Variants in MAP7D1 observed in about 807,000 individuals in gnomAD.
MAP7D1 encodes MAP7 domain-containing protein 1.
Under a neutral mutation model 97.5 loss-of-function variants are expected in MAP7D1, and 30 were observed. The observed-to-expected ratio is 0.31, with a 90% CI of 0.23 to 0.42. The LOEUF is 0.42. MAP7D1 is among the 10% of genes least tolerant of loss of function. MAP7D1 has a pLI of 1.00. For synonymous variants in MAP7D1, 536 were observed against 477.1 expected, an observed-to-expected ratio of 1.12 and a Z score of -1.61; for missense variants, 1,184 against 1,179.5, an observed-to-expected ratio of 1.00 and a Z score of -0.06.
chr1:36,165,142 G>C (rs1340461267), intron 1 of MAP7D1, among the ~76,000 whole-genome samples: 2 of 152,118 alleles, frequency 1.3e-5, no homozygotes, highest in African/African-American at 4.8e-5. Flanking sequence ...TTCTTTTTCT[G>C]AGACAGCATC....
In MAP7D1 at chr1:36,178,047, C is replaced by T. The variant is rs1297670875; in HGVS notation, c.1554C>T (p.Pro518=). 6.2e-7 allele frequency: 1 copy of T among 1,613,040 alleles called. No homozygotes were observed. The highest frequency in any genetic ancestry group is 8.5e-7 in the Non-Finnish European group (1 of 1,179,596). ...GGAAGGAGGAGGCAAAGGAGAGCCCCAGCGCCGCAGGGCCCGAGGACAAGA... is the reference window on the plus strand; with the variant it reads ...GGAAGGAGGAGGCAAAGGAGAGCCCTAGCGCCGCAGGGCCCGAGGACAAGA... ...VRRKEEAKES[P]SAAGPEDKSQ... Residue 518 remains proline (P), a synonymous_variant, in exon 9 of 17, where the codon CCC becomes CCT. Coordinates refer to ENST00000474796, the MANE Select transcript of MAP7D1 (RefSeq NM_001388490.1).
At chr1:36,178,237 A>G (rs1368400893) in intron 9 of MAP7D1, 36 bp downstream of exon 9, 18 of 1,502,024 alleles carry the variant, frequency 1.2e-5, no homozygotes, top group East Asian at 4.9e-5. Context: ...GGGCCGAGCG[A>G]GAGAAGCCAG....
At chr1:36,169,774 G>C (rs1644517690) in intron 1 of MAP7D1, among the ~76,000 whole-genome samples, 1 of 152,098 alleles carries the variant, frequency 6.6e-6, no homozygotes, top group Admixed American at 6.6e-5. Flanking sequence ...CTGGCATGTG[G>C]ATAGTGCCAG....
intron 1 of MAP7D1, among the ~76,000 whole-genome samples, chr1:36,170,488 T>A (rs1489246514): frequency 2.9e-5 from 1 of 34,298 alleles, no homozygotes; most frequent in East Asian, 1.4e-3. Context: ...GAGGCAGACA[T>A]GGAAACAATC....
At chr1:36,162,433 G>C (rs1644425545) in intron 1 of MAP7D1, among the ~76,000 whole-genome samples, 1 of 152,214 alleles carries the variant, frequency 6.6e-6, no homozygotes, top group Admixed American at 6.5e-5. Context: ...CTTCAGGGCG[G>C]GGTAATGTGA....
rs1399265196 is a variant in MAP7D1, at chr1:36,159,336, G to A, written c.46+2873G>A. On this transcript the variant is annotated intron_variant, in intron 1 of 16. Coordinates refer to ENST00000474796, the MANE Select transcript of MAP7D1 (RefSeq NM_001388490.1). The surrounding 1 kb of genome is among the most constrained non-coding windows in gnomAD (Gnocchi z 5.4). The stretch of plus-strand genomic sequence containing the variant: ...CTCCCAAAGCGCTGGGATTACAGGC[G>A]TGAGCCACCACCCCCAGCCTAGCTA... 2.6e-5 allele frequency among the ~76,000 whole-genome samples: 4 copies of A among 152,192 alleles called. No individual in the cohort carries two copies. The highest frequency in any genetic ancestry group is 7.2e-5 in the African/African-American group (3 of 41,438).
At chr1:36,174,198 A>G (rs958809448) in intron 5 of MAP7D1, among the ~76,000 whole-genome samples, 5 of 152,220 alleles carry the variant, frequency 3.3e-5, no homozygotes, top group Non-Finnish European at 7.3e-5. Flanking sequence ...GAAGGATCAA[A>G]TGAGGTCACA....
At chr1:36,170,789 C>T (rs1644530099) in intron 1 of MAP7D1, among the ~76,000 whole-genome samples, 182 bp from the exon 2 acceptor site, 1 of 152,302 alleles carries the variant, frequency 6.6e-6, no homozygotes, top group East Asian at 1.9e-4. Context: ...GCCACAGAGG[C>T]AGGGATCATG....
In MAP7D1 at chr1:36,180,270, T is replaced by C. The variant is rs1644698886; in HGVS notation, c.*12T>C. The C allele has an allele frequency of 3.1e-6, 5 of 1,614,070 alleles. No individual in the cohort carries two copies. The Admixed American group carries it at 5.0e-5, about 16-fold the overall frequency. On this transcript the variant is annotated 3_prime_UTR_variant, in exon 17 of 17. Transcript: ENST00000474796. ...CAGAAGTCCTTTAAGAGGGTTTGCC[T>C]TGGATCCGGGCACAGTTGTGAGGGC...
intron 5 of MAP7D1, 86 bp downstream of exon 5, chr1:36,173,564 G>T (rs1004182744): frequency 5.0e-6 from 5 of 1,002,268 alleles, no homozygotes; most frequent in Non-Finnish European, 7.4e-6. Flanking sequence ...ACAAAAAGCT[G>T]GTGGCTCCCT....
At chr1:36,169,068 A>T (rs1264041323) in intron 1 of MAP7D1, among the ~76,000 whole-genome samples, 1 of 151,672 alleles carries the variant, frequency 6.6e-6, no homozygotes, top group East Asian at 1.9e-4. Flanking sequence ...CCTGGCCAAC[A>T]TGGTGAAACG....
At chr1:36,178,372 G>T (rs551513340) in intron 9 of MAP7D1, 47 bp from the exon 10 acceptor site, 15 of 1,569,570 alleles carry the variant, frequency 9.6e-6, no homozygotes, top group Non-Finnish European at 1.3e-5. Context: ...AGATGACGGC[G>T]GTGTCTGCGT....
Position 36,156,234 on chromosome 1 carries a change from G to T in MAP7D1, c.-184G>T, listed in dbSNP as rs1254111316. 3 of 446,920 alleles carry T rather than the reference G, an allele frequency of 6.7e-6. No individual in the cohort carries two copies. Among genetic ancestry groups the T allele is most frequent in the Non-Finnish European group, 1.2e-5 (3 of 260,546 alleles). The allele number at this position is 446,920 out of a possible 1,614,324, so 27.7% of individuals were successfully genotyped here. On this transcript the variant is annotated 5_prime_UTR_variant, in exon 1 of 17. Transcript: ENST00000474796. ...CGACCGCAGCCGAGAGACCCCGGGC[G>T]ACCGGCACCTCCGAGACTCGCGGGC... is the stretch of plus-strand genomic sequence containing the variant.
At chr1:36,168,849 A>T (rs1222972470) in intron 1 of MAP7D1, among the ~76,000 whole-genome samples, 1 of 152,208 alleles carries the variant, frequency 6.6e-6, no homozygotes, top group Non-Finnish European at 1.5e-5. Flanking sequence ...CTGACTGACC[A>T]GCTGAATGAT....
At position 36,179,002 on chromosome 1, in the gene MAP7D1, C is replaced by G; in HGVS notation, c.2107C>G (p.Gln703Glu). ...EREKHFQQQE[Q>E]ERQERRKRLE... ...GGAAAAGCACTTCCAGCAGCAGGAG[C>G]AAGAGCGGCAAGAGCGCAGAAAGGT... The change falls in exon 12 of 17, where the codon CAA becomes GAA. Residue 703 changes from glutamine (Q) to glutamate (E), a missense_variant. Coordinates refer to ENST00000474796, the MANE Select transcript of MAP7D1 (RefSeq NM_001388490.1). The G allele has an allele frequency of 1.4e-6, 2 of 1,469,196 alleles. No individual in the cohort carries two copies. The highest frequency in any genetic ancestry group is 1.8e-6 in the Non-Finnish European group (2 of 1,098,206). 91.0% of individuals were successfully genotyped at this position (1,469,196 alleles called of 1,614,324 possible). A position where few individuals can be genotyped will look rare whatever the true frequency, so the allele number is the denominator to read the frequency against.
chr1:36,173,199 ATC>A (rs1644571163), intron 4 of MAP7D1, among the ~76,000 whole-genome samples, 163 bp from the exon 5 acceptor site: 1 of 152,214 alleles, frequency 6.6e-6, no homozygotes, highest in Non-Finnish European at 1.5e-5. Context: ...TTGGTCCTTA[ATC>A]ATAGCAAGGA....
intron 1 of MAP7D1, among the ~76,000 whole-genome samples, chr1:36,164,754 G>A (rs986721001): frequency 5.9e-5 from 9 of 152,350 alleles, no homozygotes; most frequent in East Asian, 3.9e-4. Flanking sequence ...AAAGAGCACC[G>A]TGATCAGATT....
intron 8 of MAP7D1, chr1:36,177,658 G>T: frequency 1.3e-6 from 1 of 792,020 alleles, no homozygotes; most frequent in Admixed American, 2.4e-5. Context: ...GCTATTGGCG[G>T]GGGACATACA....
chr1:36,175,979 T>C (rs1196775278), intron 6 of MAP7D1, among the ~76,000 whole-genome samples: 1 of 152,216 alleles, frequency 6.6e-6, no homozygotes, highest in East Asian at 1.9e-4. Context: ...CCTCATCCGA[T>C]GCAGGATGTT....
Sources: allele counts gnomAD v4.1 joint callset (sites outside exome capture counted in the v4.1 genomes callset), GRCh38; gene constraint gnomAD v4.1.1; non-coding constraint Gnocchi (gnomAD v3.1); transcripts MANE v1.5; gene names NCBI Gene and HGNC (gene_info 2026-07-23, HGNC 2026-07-21).